CSMD1: variants seen among roughly 807,000 people sequenced by gnomAD.
CSMD1 encodes CUB and Sushi multiple domains 1.
In CSMD1, 213 loss-of-function variants were observed where a neutral mutation model predicts 417.5. That is an observed-to-expected ratio of 0.51 (90% CI 0.46 to 0.57). CSMD1 has a LOEUF of 0.57. Among genes scored for constraint, CSMD1 ranks in the 20% least tolerant of loss-of-function variants. The pLI is 0.00. For missense variants in CSMD1, 6,923 were observed against 4,529.7 expected (o/e 1.53, Z -15.17); for synonymous variants, 2,862 against 1,736.8 (o/e 1.65, Z -16.11).
At chr8:3,546,979 G>C (rs1373205421) in intron 10 of CSMD1, among the ~76,000 whole-genome samples, 3 of 152,196 alleles carry the variant, frequency 2.0e-5, no homozygotes, top group Admixed American at 1.3e-4. Flanking sequence ...AAGAAGGGAA[G>C]AGCAAAACTG....
chr8:4,158,863 T>G (rs761309614), intron 3 of CSMD1, among the ~76,000 whole-genome samples: 1 of 152,182 alleles, frequency 6.6e-6, no homozygotes, highest in Non-Finnish European at 1.5e-5. Context: ...ATCTGAAATC[T>G]CAAGTCCTCA....
At chr8:4,106,449 A>G (rs1469283872) in intron 3 of CSMD1, among the ~76,000 whole-genome samples, 1 of 152,178 alleles carries the variant, frequency 6.6e-6, no homozygotes, top group Non-Finnish European at 1.5e-5. Context: ...TTTACACACC[A>G]AACTCTCAGC....
intron 69 of CSMD1, among the ~76,000 whole-genome samples, chr8:2,939,061 C>T (rs1443152557): frequency 6.6e-6 from 1 of 152,210 alleles, no homozygotes; most frequent in Non-Finnish European, 1.5e-5. Flanking sequence ...ACCTCTTGGG[C>T]TCAGGCGATC....
intron 1 of CSMD1, among the ~76,000 whole-genome samples, chr8:4,795,274 TTTTTTTTTTTTTTTTG>T: frequency 9.2e-6 from 1 of 108,406 alleles, no homozygotes; most frequent in Admixed American, 9.4e-5. Context: ...TTTTTTTTTT[TTTTTTTTTTTTTTTTG>T]AGATGGAGTC....
chr8:3,101,454 G>C (rs912164554), intron 46 of CSMD1, among the ~76,000 whole-genome samples: 1 of 152,038 alleles, frequency 6.6e-6, no homozygotes, highest in Non-Finnish European at 1.5e-5. Flanking sequence ...ACGGAGTCTC[G>C]CTCTGACGCC....
chr8:3,814,904 A>G (rs532823380), intron 5 of CSMD1, among the ~76,000 whole-genome samples: 5 of 152,292 alleles, frequency 3.3e-5, no homozygotes, highest in Non-Finnish European at 7.3e-5. Context: ...AAAATAAATG[A>G]CTTTAAAAAC....
At chr8:3,747,888 G>T (rs1797137512) in intron 6 of CSMD1, among the ~76,000 whole-genome samples, 1 of 152,090 alleles carries the variant, frequency 6.6e-6, no homozygotes, top group African/African-American at 2.4e-5. Context: ...TCTGAGGAAG[G>T]TCCTCAGTGT....
At chr8:3,308,233 T>A in intron 24 of CSMD1, 79 bp downstream of exon 24, 1 of 1,108,278 alleles carries the variant, frequency 9.0e-7, no homozygotes, top group Non-Finnish European at 1.3e-6. Context: ...TCTTTTCCAA[T>A]AAAGGAAGTC....
chr8:4,390,837 G>T (rs976018735), intron 3 of CSMD1, among the ~76,000 whole-genome samples: 3 of 151,980 alleles, frequency 2.0e-5, no homozygotes, highest in African/African-American at 7.3e-5. Context: ...CACCATGCCC[G>T]GCCAAAAGTA....
At chr8:4,312,460 TGC>T (rs746459689) in intron 3 of CSMD1, among the ~76,000 whole-genome samples, 5 of 136,630 alleles carry the variant, frequency 3.7e-5, no homozygotes, top group African/African-American at 1.3e-4. Context: ...CGTATATATA[TGC>T]GCGTATATAT....
chr8:4,978,857 G>C (rs1217877648), intron 1 of CSMD1, among the ~76,000 whole-genome samples: 1 of 143,526 alleles, frequency 7.0e-6, no homozygotes, highest in Non-Finnish European at 1.6e-5. Context: ...AGAATCGCTT[G>C]AACCCAGGAG....
At chr8:4,647,274 C>G (rs1369538916) in intron 1 of CSMD1, among the ~76,000 whole-genome samples, 23 of 150,016 alleles carry the variant, frequency 1.5e-4, no homozygotes, top group African/African-American at 4.9e-4. Context: ...AAAAAAAATC[C>G]GGGATACATG....
chr8:3,304,076 T>C lies in CSMD1; in HGVS notation c.3950+3619A>G, dbSNP rs981430030. 4.6e-5 allele frequency among the ~76,000 whole-genome samples: 7 copies of C among 152,288 alleles called. No individual in the cohort carries two copies. In the South Asian group the frequency reaches 8.3e-4, roughly 18 times the overall value. ...GCAATAATTGGCCTAAAGTAAAATATTGAAACCAGCCTTTTCATATTTTCC... is the reference window on the plus strand; with the variant it reads ...GCAATAATTGGCCTAAAGTAAAATACTGAAACCAGCCTTTTCATATTTTCC... On this transcript the variant is annotated intron_variant, in intron 25 of 69. Transcript: ENST00000635120.
chr8:3,920,055 C>G lies in CSMD1; in HGVS notation c.818+77848G>C, dbSNP rs1809121572. Among the ~76,000 whole-genome samples the G allele has an allele frequency of 3.3e-5, 5 of 151,560 alleles. No individual in the cohort carries two copies. The South Asian group carries it at 1.0e-3, about 31-fold the overall frequency. On this transcript the variant is annotated intron_variant, in intron 5 of 69. Coordinates refer to ENST00000635120, the MANE Select transcript of CSMD1 (RefSeq NM_033225.6). ...ACTTTTTTGTTTTTCTTCCCCAAGA[C>G]AAGATCTCACTCCTTCTGCCCTGGC...
In CSMD1 at chr8:4,544,728, G is replaced by C. The variant is rs562513861; in HGVS notation, c.302+92614C>G. On this transcript the variant is annotated intron_variant, in intron 2 of 69. Coordinates refer to ENST00000635120, the MANE Select transcript of CSMD1 (RefSeq NM_033225.6). ...CTTGAAAATTCATTCTCAGGCATGG[G>C]TCAATGTTACAGTGTCAGAGCAAAT... Among the ~76,000 whole-genome samples, 39 of 152,150 alleles carry C rather than the reference G, an allele frequency of 2.6e-4. 1 individual carries two copies. Among genetic ancestry groups the C allele is most frequent in the Non-Finnish European group, 7.3e-5 (5 of 68,032 alleles).
chr8:4,807,183 A>T (rs1269645300), intron 1 of CSMD1, among the ~76,000 whole-genome samples: 1 of 152,202 alleles, frequency 6.6e-6, no homozygotes, highest in East Asian at 1.9e-4. Flanking sequence ...ACATTATTGT[A>T]CCCAACTTTT....
At chr8:4,655,677 T>C (rs1804187373) in intron 1 of CSMD1, among the ~76,000 whole-genome samples, 1 of 151,972 alleles carries the variant, frequency 6.6e-6, no homozygotes, top group South Asian at 2.1e-4. Flanking sequence ...GTCAATATAA[T>C]GGAAAAGGTA....
At chr8:3,006,737 T>C (rs1212570156) in intron 52 of CSMD1, among the ~76,000 whole-genome samples, 1 of 151,784 alleles carries the variant, frequency 6.6e-6, no homozygotes, top group East Asian at 1.9e-4. Context: ...AAGCTGAAAC[T>C]GGATCCCTTC....
intron 5 of CSMD1, among the ~76,000 whole-genome samples, chr8:3,793,982 T>C (rs956800381): frequency 3.3e-5 from 5 of 152,178 alleles, no homozygotes; most frequent in Admixed American, 6.5e-5. Flanking sequence ...GTTCTTCTGC[T>C]TTCCTCTTCC....
Sources: allele counts gnomAD v4.1 joint callset (sites outside exome capture counted in the v4.1 genomes callset), GRCh38; gene constraint gnomAD v4.1.1; transcripts MANE v1.5; gene names NCBI Gene and HGNC (gene_info 2026-07-23, HGNC 2026-07-21).